Variants in KLF12 observed in about 807,000 individuals in gnomAD.
The protein encoded by KLF12 is KLF transcription factor 12.
KLF12 carries 9 observed loss-of-function variants against 37.8 expected under a neutral mutation model. The observed-to-expected ratio is 0.24, with a 90% CI of 0.14 to 0.42. The LOEUF (loss-of-function observed/expected upper bound fraction) is 0.42. Ranked by LOEUF, KLF12 falls within the 10% of genes least tolerant of loss-of-function variation. KLF12 has a pLI of 1.00. For synonymous variants in KLF12, 208 were observed against 202.1 expected (o/e 1.03, Z -0.25); for missense variants, 411 against 516.0 (o/e 0.80, Z 1.97).
chr13:74,196,089 C>A, the KLF12 span, among the ~76,000 whole-genome samples: 1 of 152,184 alleles, frequency 6.6e-6, no homozygotes, highest in African/African-American at 2.4e-5. Context: ...AAAGCACTTA[C>A]CAAGTGCAAA....
intron 1 of KLF12, among the ~76,000 whole-genome samples, chr13:74,075,631 C>T (rs1252222012): frequency 6.6e-6 from 1 of 152,106 alleles, no homozygotes; most frequent in African/African-American, 2.4e-5. Flanking sequence ...ACTTAATAAG[C>T]AAAAACATAA....
chr13:73,778,061 G>A (rs1229533094), intron 5 of KLF12, among the ~76,000 whole-genome samples: 1 of 151,322 alleles, frequency 6.6e-6, no homozygotes, highest in African/African-American at 2.4e-5. Context: ...TTGAACTCGG[G>A]AGGCAGAGGT....
At chr13:74,086,644 A>G (rs1314271091) in intron 1 of KLF12, among the ~76,000 whole-genome samples, 1 of 152,112 alleles carries the variant, frequency 6.6e-6, no homozygotes, top group Non-Finnish European at 1.5e-5. Flanking sequence ...TCCAAAATAC[A>G]TACTGTTGAC....
the KLF12 span, chr13:74,258,161 TTGTG>T: frequency 0.3 from 39,834 of 133,514 alleles, 6,393 homozygotes; most frequent in East Asian, 0.58. Flanking sequence ...ATTACTGTGT[TTGTG>T]TGTGTGTGTG....
chr13:74,004,353 T>G (rs1441977582), intron 1 of KLF12, among the ~76,000 whole-genome samples: 1 of 152,218 alleles, frequency 6.6e-6, no homozygotes, highest in Non-Finnish European at 1.5e-5. Flanking sequence ...TAACTTGCAT[T>G]AATCCTCACA....
At chr13:73,703,931 A>C (rs927952489) in intron 7 of KLF12, among the ~76,000 whole-genome samples, 4 of 152,252 alleles carry the variant, frequency 2.6e-5, no homozygotes, top group Admixed American at 2.6e-4. Flanking sequence ...TCACCCAGAA[A>C]TCCGATATAA....
At chr13:73,856,498 C>A (rs781292591) in intron 3 of KLF12, among the ~76,000 whole-genome samples, 2 of 152,076 alleles carry the variant, frequency 1.3e-5, no homozygotes, top group Non-Finnish European at 2.9e-5. Context: ...AATCTAGGAA[C>A]TGCCATCTTC....
At chr13:73,921,750 A>G (rs910679063) in intron 3 of KLF12, among the ~76,000 whole-genome samples, 1 of 152,222 alleles carries the variant, frequency 6.6e-6, no homozygotes, top group Admixed American at 6.5e-5. Flanking sequence ...GGGAATAAAT[A>G]ACACACATTT....
intron 5 of KLF12, among the ~76,000 whole-genome samples, chr13:73,766,410 T>C (rs1157364920): frequency 2.6e-5 from 4 of 152,180 alleles, no homozygotes; most frequent in Non-Finnish European, 1.5e-5. Flanking sequence ...AACGCAATAA[T>C]AGTACATAAA....
chr13:74,219,068 T>C, the KLF12 span, among the ~76,000 whole-genome samples: 2 of 151,896 alleles, frequency 1.3e-5, no homozygotes, highest in Admixed American at 6.6e-5. Flanking sequence ...GTGATTCTCC[T>C]GCCTCAGCCT....
chr13:74,106,217 T>A (rs1289104938), intron 1 of KLF12, among the ~76,000 whole-genome samples: 1 of 152,198 alleles, frequency 6.6e-6, no homozygotes, highest in Non-Finnish European at 1.5e-5. Flanking sequence ...CAGGTACCCA[T>A]CCAAATTGGT....
At chr13:74,252,111 C>T in the KLF12 span, among the ~76,000 whole-genome samples, 1 of 152,180 alleles carries the variant, frequency 6.6e-6, no homozygotes, top group Non-Finnish European at 1.5e-5. Context: ...CCATCTTATA[C>T]CATGTTGTTT....
the KLF12 span, among the ~76,000 whole-genome samples, chr13:74,229,293 T>A: frequency 1.3e-5 from 2 of 152,276 alleles, no homozygotes; most frequent in South Asian, 4.1e-4. Flanking sequence ...TAATAAGCAA[T>A]GTGTCCCTAA....
At chr13:73,956,034 T>C (rs528130363) in intron 2 of KLF12, among the ~76,000 whole-genome samples, 1 of 152,334 alleles carries the variant, frequency 6.6e-6, no homozygotes, top group Admixed American at 6.5e-5. Flanking sequence ...CATTCTTTTT[T>C]CCTTTCTGGA....
the KLF12 span, among the ~76,000 whole-genome samples, chr13:74,194,206 G>A: frequency 1.3e-5 from 2 of 152,134 alleles, no homozygotes; most frequent in African/African-American, 4.8e-5. Context: ...TGGGGTGGTG[G>A]TGGTGAAAAG....
chr13:73,930,870 T>TC (rs992843253), intron 3 of KLF12, among the ~76,000 whole-genome samples: 4 of 149,202 alleles, frequency 2.7e-5, no homozygotes, highest in Admixed American at 6.7e-5. Context: ...ATTTTTTTTT[T>TC]TTTTTTTTTT....
At chr13:74,186,189 A>T in the KLF12 span, among the ~76,000 whole-genome samples, 28 of 152,274 alleles carry the variant, frequency 1.8e-4, 1 homozygote, top group East Asian at 5.0e-3. Context: ...CTTGTCTAAG[A>T]GATTTTTTTT....
rs187759469 is a variant in KLF12 at position 73,859,668 on chromosome 13, G to A, written c.124-13295C>T. ...AATGTCTATTTCTTATTTAGTTCCC[G>A]TTTGTTCTCAAGTCAGCCTTTAGAA... On this transcript the variant is annotated intron_variant, in intron 3 of 7. Transcript: ENST00000377669. 2.0e-4 allele frequency among the ~76,000 whole-genome samples: 30 copies of A among 152,200 alleles called. No homozygotes were observed. In the South Asian group the frequency reaches 2.7e-3, roughly 14 times the overall value.
chr13:73,942,161 T>A (rs567695106), intron 3 of KLF12, among the ~76,000 whole-genome samples: 2 of 152,290 alleles, frequency 1.3e-5, no homozygotes, highest in East Asian at 3.9e-4. Flanking sequence ...ATGGATATTG[T>A]TAAAGATTAC....
Sources: gnomAD v4.1 joint callset for allele counts (sites outside exome capture counted in the v4.1 genomes callset) on GRCh38, gnomAD v4.1.1 for gene constraint, MANE v1.5 for transcripts, NCBI Gene and HGNC (gene_info 2026-07-23, HGNC 2026-07-21) for gene names.